KCNG2: variants seen among roughly 807,000 people sequenced by gnomAD.
KCNG2 encodes the protein potassium voltage-gated channel modifier subfamily G member 2.
KCNG2 carries 7 observed loss-of-function variants against 12.3 expected under a neutral mutation model. The ratio of observed to expected loss-of-function variants is 0.57; its 90% CI spans 0.32 to 1.07. The LOEUF (loss-of-function observed/expected upper bound fraction) is 1.07. KCNG2 is among the 50% of genes least tolerant of loss of function. The probability of loss-of-function intolerance (pLI) is 0.04; values close to 1 mark genes in which losing one functional copy is unlikely to be tolerated. For synonymous variants in KCNG2, 414 were observed against 351.4 expected, an observed-to-expected ratio of 1.18 and a Z score of -1.99; for missense variants, 703 against 726.0, an observed-to-expected ratio of 0.97 and a Z score of 0.36.
rs1450869433 is a variant in KCNG2 at position 79,899,056 on chromosome 18, A to T, written c.641A>T (p.Lys214Met). 6.4e-7 allele frequency: 1 copy of T among 1,571,406 alleles called. No homozygotes were observed. The highest frequency in any genetic ancestry group is 1.8e-5 in the Admixed American group (1 of 56,986). Reference protein sequence around the residue: ...AEEERGECSPKCRSLFVLETV... With the variant: ...AEEERGECSPMCRSLFVLETV... ...TCCCCGCAGGGCGAGTGCTCCCCCA[A>T]GTGCCGCAGCCTGTTCGTGCTGGAG... Residue 214 changes from lysine (K) to methionine (M), a missense_variant, in exon 4 of 4, where the codon AAG becomes ATG. Physicochemically the swap from Lys to Met is moderately conservative, Grantham distance 95 (BLOSUM62 -1). Coordinates refer to ENST00000316249, the MANE Select transcript of KCNG2 (RefSeq NM_012283.2).
chr18:79,838,249 C>A (rs1568251854), intron 1 of KCNG2, among the ~76,000 whole-genome samples: 1 of 152,012 alleles, frequency 6.6e-6, no homozygotes, highest in Non-Finnish European at 1.5e-5. Context: ...CAAAAGTATA[C>A]CATAAAACAA....
intron 1 of KCNG2, among the ~76,000 whole-genome samples, chr18:79,848,502 T>A (rs1470847660): frequency 1.3e-5 from 2 of 152,148 alleles, no homozygotes; most frequent in Non-Finnish European, 2.9e-5. Flanking sequence ...TCTCCCCTCT[T>A]ATGGGGACAT....
At chr18:79,827,746 G>A (rs1978287239) in intron 1 of KCNG2, among the ~76,000 whole-genome samples, 1 of 152,260 alleles carries the variant, frequency 6.6e-6, no homozygotes, top group Non-Finnish European at 1.5e-5. Context: ...ATGCAGCTTG[G>A]TGGGCTGGAC....
chr18:79,888,726 T>C (rs1980641355), intron 3 of KCNG2, among the ~76,000 whole-genome samples: 1 of 152,174 alleles, frequency 6.6e-6, no homozygotes, highest in Admixed American at 6.5e-5. Flanking sequence ...AGTCTCACTC[T>C]GTCGCCCAGG....
rs1430987118 is a variant in KCNG2 at position 79,899,481 on chromosome 18, G to A, written c.1066G>A (p.Val356Met). 3 of 1,607,436 alleles carry A rather than the reference G, an allele frequency of 1.9e-6. No individual in the cohort carries two copies. Among genetic ancestry groups the A allele is most frequent in the Non-Finnish European group, 2.5e-6 (3 of 1,177,718 alleles). The part of the protein sequence containing the change: ...ELGARRDFSS[V>M]PASYWWAVIS... ...GGGCGCGCGCCGCGACTTCTCCAGC[G>A]TGCCCGCCAGCTATTGGTGGGCCGT... The change falls in exon 4 of 4, where the codon GTG (valine) becomes ATG (methionine). Residue 356 changes from valine (V) to methionine (M), a missense_variant. Val to Met is a conservative substitution (Grantham distance 21). Coordinates refer to ENST00000316249, the MANE Select transcript of KCNG2 (RefSeq NM_012283.2).
intron 3 of KCNG2, among the ~76,000 whole-genome samples, chr18:79,865,430 C>T (rs1979449648): frequency 8.6e-6 from 1 of 116,780 alleles, no homozygotes; most frequent in Non-Finnish European, 1.7e-5. Context: ...GGTCTGGGTG[C>T]TGAGAGGTCT....
intron 3 of KCNG2, among the ~76,000 whole-genome samples, chr18:79,865,694 C>G (rs1979475678): frequency 7.6e-6 from 1 of 132,320 alleles, no homozygotes; most frequent in Non-Finnish European, 1.6e-5. Flanking sequence ...GCTGAGAGGT[C>G]TGGGTGCTGA....
intron 3 of KCNG2, among the ~76,000 whole-genome samples, chr18:79,869,011 C>A (rs1012359280): frequency 2.0e-5 from 3 of 152,208 alleles, no homozygotes; most frequent in Non-Finnish European, 4.4e-5. Context: ...CCACACGGGT[C>A]GGCTTCCACA....
Position 79,854,417 on chromosome 18 carries a change from G to A in KCNG2, c.-114-1962G>A, listed in dbSNP as rs189432924. Among the ~76,000 whole-genome samples, 292 of 152,328 alleles carry A rather than the reference G, an allele frequency of 1.9e-3. 1 individual carries two copies. Among genetic ancestry groups the A allele is most frequent in the Non-Finnish European group, 3.4e-3 (234 of 68,038 alleles). ...AAAAGTAAATGTTACAGAGGTCCCC[G>A]TGGAGGGCCCAGGGGTGCACGATTC... On this transcript the variant is annotated intron_variant, in intron 1 of 3. Coordinates refer to ENST00000316249, the MANE Select transcript of KCNG2 (RefSeq NM_012283.2).
chr18:79,826,214 G>C (rs547052500), intron 1 of KCNG2, among the ~76,000 whole-genome samples: 32 of 152,398 alleles, frequency 2.1e-4, no homozygotes, highest in African/African-American at 7.7e-4. Flanking sequence ...GCCTCCGTGG[G>C]AGAAGGGTCG....
intron 3 of KCNG2, among the ~76,000 whole-genome samples, chr18:79,876,845 A>G (rs1030475338): frequency 4.6e-5 from 7 of 152,188 alleles, no homozygotes; most frequent in African/African-American, 9.7e-5. Flanking sequence ...CTCAGAGGAA[A>G]CCTCAGAATG....
At chr18:79,827,927 C>CTTTTTTTTTTTTTTT (rs55913813) in intron 1 of KCNG2, among the ~76,000 whole-genome samples, 1 of 141,116 alleles carries the variant, frequency 7.1e-6, no homozygotes, top group Non-Finnish European at 1.5e-5. Flanking sequence ...TTCTTTCTTT[C>CTTTTTTTTTTTTTTT]TTTTTTTTTT....
At chr18:79,798,455 C>T (rs1288987351) in intron 1 of KCNG2, among the ~76,000 whole-genome samples, 4 of 152,152 alleles carry the variant, frequency 2.6e-5, no homozygotes, top group Non-Finnish European at 4.4e-5. Flanking sequence ...GCGCCCGCCC[C>T]GGTTCGGTTG....
intron 1 of KCNG2, among the ~76,000 whole-genome samples, chr18:79,833,087 C>G (rs1207055259): frequency 6.6e-6 from 1 of 152,158 alleles, no homozygotes; most frequent in Non-Finnish European, 1.5e-5. Context: ...TCCTCAAGCT[C>G]TATAATTAAG....
Position 79,899,208 on chromosome 18 carries a change from TCG to T in KCNG2, c.795_796del (p.Leu266AlafsTer247). On this transcript the variant is annotated frameshift_variant, in exon 4 of 4. Transcript: ENST00000316249. LOFTEE classifies it low-confidence loss of function (END_TRUNC). Reference protein sequence around the residue: ...DILALLPFYVSLLLGLAAGPG... With the variant: ...DILALLPFYVXLLLGLAAGPG... ...CCTGGCGCTCCTGCCGTTCTACGTG[TCG>T]CTGCTGCTGGGGCTGGCGGCAGGCC... The T allele has an allele frequency of 6.2e-7, 1 of 1,603,222 alleles. No homozygotes were observed. Among genetic ancestry groups the T allele is most frequent in the Non-Finnish European group, 8.5e-7 (1 of 1,179,376 alleles).
Position 79,809,714 on chromosome 18 carries a change from G to A in KCNG2, c.-115+11700G>A, listed in dbSNP as rs73970108. Among the ~76,000 whole-genome samples, 987 of 152,244 alleles carry A rather than the reference G, an allele frequency of 6.5e-3. 20 individuals carry two copies. Among genetic ancestry groups the A allele is most frequent in the African/African-American group, 0.023 (944 of 41,534 alleles). On this transcript the variant is annotated intron_variant, in intron 1 of 3. Coordinates refer to ENST00000316249, the MANE Select transcript of KCNG2 (RefSeq NM_012283.2). ...TATGCAGCTTTCGGTTCTAAACCTC[G>A]CTCCCCAGAAGGCAATCTTCACGCC...
At chr18:79,807,101 G>A (rs531761447) in intron 1 of KCNG2, among the ~76,000 whole-genome samples, 44 of 152,180 alleles carry the variant, frequency 2.9e-4, no homozygotes, top group Non-Finnish European at 5.4e-4. Context: ...AACTGACCCC[G>A]GGAGGGTTTG....
intron 3 of KCNG2, among the ~76,000 whole-genome samples, chr18:79,878,670 CTT>C (rs1980175151): frequency 6.6e-6 from 1 of 152,178 alleles, no homozygotes; most frequent in African/African-American, 2.4e-5. Context: ...AATACTTAGA[CTT>C]TTGATTAGGT....
intron 1 of KCNG2, among the ~76,000 whole-genome samples, chr18:79,826,070 C>G (rs1978285462): frequency 6.6e-6 from 1 of 152,268 alleles, no homozygotes; most frequent in Non-Finnish European, 1.5e-5. Flanking sequence ...GGCCTGTGCC[C>G]TGCCGGCCGC....
Sources: gnomAD v4.1 joint callset for allele counts (sites outside exome capture counted in the v4.1 genomes callset) on GRCh38, gnomAD v4.1.1 for gene constraint, MANE v1.5 for transcripts, NCBI Gene and HGNC (gene_info 2026-07-23, HGNC 2026-07-21) for gene names.